Variants in CHST9 observed in about 807,000 individuals in gnomAD.
CHST9 encodes carbohydrate sulfotransferase 9, also known as GalNAc-4-sulfotransferase 2.
In CHST9, 41 loss-of-function variants were observed where a neutral mutation model predicts 44.4. That is an observed-to-expected ratio of 0.92 (90% CI 0.72 to 1.20). CHST9 has a LOEUF of 1.20. Ranked by LOEUF, CHST9 falls within the 50% of genes most tolerant of loss-of-function variation. The probability of loss-of-function intolerance (pLI) is 0.00; values close to 1 mark genes in which losing one functional copy is unlikely to be tolerated. For missense variants in CHST9, 504 were observed against 516.5 expected (o/e 0.98, Z 0.23); for synonymous variants, 171 against 178.4 (o/e 0.96, Z 0.33).
chr18:27,167,607 T>C (rs1489562359), intron 1 of CHST9, among the ~76,000 whole-genome samples: 2 of 152,214 alleles, frequency 1.3e-5, no homozygotes, highest in Non-Finnish European at 2.9e-5. Flanking sequence ...TGTTTAGGTA[T>C]TGGGATACAA....
chr18:27,044,060 T>TCC (rs397739936), intron 3 of CHST9, among the ~76,000 whole-genome samples: 304 of 149,058 alleles, frequency 2.0e-3, no homozygotes, highest in East Asian at 9.6e-3. Flanking sequence ...AGCGAGCCCT[T>TCC]CCCCCCCCTT....
chr18:27,054,111 A>G (rs1246179603), intron 2 of CHST9, among the ~76,000 whole-genome samples: 1 of 152,202 alleles, frequency 6.6e-6, no homozygotes, highest in Non-Finnish European at 1.5e-5. Flanking sequence ...TGCCTTAAAC[A>G]CAAATGCTCC....
At chr18:27,087,015 G>A (rs1263843485) in intron 2 of CHST9, among the ~76,000 whole-genome samples, 1 of 152,122 alleles carries the variant, frequency 6.6e-6, no homozygotes, top group South Asian at 2.1e-4. Context: ...TGGCTTTTAT[G>A]TATAGACATA....
chr18:26,990,364 G>A (rs1387954408), intron 4 of CHST9, among the ~76,000 whole-genome samples: 1 of 152,176 alleles, frequency 6.6e-6, no homozygotes, highest in African/African-American at 2.4e-5. Context: ...GAAGGAGGCT[G>A]GAGGGATTCT....
intron 2 of CHST9, among the ~76,000 whole-genome samples, chr18:27,127,819 G>T (rs2058437926): frequency 1.3e-5 from 2 of 152,060 alleles, no homozygotes; most frequent in Admixed American, 6.6e-5. Context: ...GGAGGAGGAA[G>T]TAGCTGAGAG....
intron 2 of CHST9, among the ~76,000 whole-genome samples, chr18:27,079,609 T>C (rs1023807782): frequency 6.6e-6 from 1 of 152,210 alleles, no homozygotes; most frequent in Non-Finnish European, 1.5e-5. Context: ...CTATAAAACA[T>C]TTATGAATAT....
At chr18:26,927,902 G>A (rs232334) in intron 5 of CHST9, among the ~76,000 whole-genome samples, 65,145 of 151,960 alleles carry the variant, frequency 0.43, 14,427 homozygotes, top group East Asian at 0.71. Context: ...GAGAAACCTC[G>A]GACAATACCT....
chr18:27,152,863 G>A (rs1471137302), intron 1 of CHST9, among the ~76,000 whole-genome samples: 1 of 152,084 alleles, frequency 6.6e-6, no homozygotes, highest in Admixed American at 6.5e-5. Flanking sequence ...TTATCAGTGA[G>A]GGATGTGTCT....
intron 1 of CHST9, among the ~76,000 whole-genome samples, chr18:27,182,138 AT>A (rs33995328): frequency 0.69 from 104,235 of 151,328 alleles, 36,038 homozygotes; most frequent in East Asian, 0.79. Context: ...TCTCATTAAC[AT>A]GAATAATTCA....
intron 1 of CHST9, among the ~76,000 whole-genome samples, chr18:27,169,513 G>A (rs1374755845): frequency 6.8e-6 from 1 of 146,954 alleles, no homozygotes; most frequent in Non-Finnish European, 1.5e-5. Context: ...AAGAAAATAA[G>A]AATATTTGAA....
chr18:27,024,179 A>T, intron 3 of CHST9, 22 bp from the exon 4 acceptor site: 1 of 1,603,576 alleles, frequency 6.2e-7, no homozygotes, highest in Non-Finnish European at 8.5e-7. Context: ...GAGGAAAGAA[A>T]TTCATATATT....
intron 4 of CHST9, among the ~76,000 whole-genome samples, chr18:26,965,244 C>A (rs2056449852): frequency 6.6e-6 from 1 of 152,132 alleles, no homozygotes; most frequent in African/African-American, 2.4e-5. Flanking sequence ...GTGCGGCCTG[C>A]AATGTGTTTC....
chr18:26,946,078 A>G (rs1052163838), intron 4 of CHST9, among the ~76,000 whole-genome samples: 1 of 152,164 alleles, frequency 6.6e-6, no homozygotes, highest in African/African-American at 2.4e-5. Flanking sequence ...CTCGCCAGAT[A>G]ATAAGAATCA....
chr18:27,161,920 A>T (rs1243956615), intron 1 of CHST9, among the ~76,000 whole-genome samples: 1 of 151,804 alleles, frequency 6.6e-6, no homozygotes, highest in East Asian at 1.9e-4. Flanking sequence ...ATCAGAGACT[A>T]GGATTGCAAC....
chr18:27,180,119 A>G (rs2058900363), intron 1 of CHST9, among the ~76,000 whole-genome samples: 1 of 152,136 alleles, frequency 6.6e-6, no homozygotes, highest in South Asian at 2.1e-4. Context: ...TCATCTACAA[A>G]TAAGTCTGGG....
chr18:27,095,558 A>T (rs1568170571), intron 2 of CHST9, among the ~76,000 whole-genome samples: 1 of 152,164 alleles, frequency 6.6e-6, no homozygotes. Context: ...CTCAAACATA[A>T]TGACGCCAAT....
chr18:27,006,848 C>T (rs1229233334), intron 4 of CHST9, among the ~76,000 whole-genome samples: 2 of 152,204 alleles, frequency 1.3e-5, no homozygotes, highest in African/African-American at 4.8e-5. Flanking sequence ...TGCAGGTAAA[C>T]TAGACACTGG....
At chr18:26,943,939 G>T (rs2056123383) in intron 5 of CHST9, among the ~76,000 whole-genome samples, 1 of 152,158 alleles carries the variant, frequency 6.6e-6, no homozygotes, top group African/African-American at 2.4e-5. Context: ...ACTTTTAGCT[G>T]ATTGAACGAA....
At chr18:26,984,357 A>T (rs1031291453) in intron 4 of CHST9, among the ~76,000 whole-genome samples, 1 of 152,198 alleles carries the variant, frequency 6.6e-6, no homozygotes, top group Non-Finnish European at 1.5e-5. Flanking sequence ...TTCACAAACA[A>T]AAACTGATTT....
Sources: allele counts gnomAD v4.1 joint callset (sites outside exome capture counted in the v4.1 genomes callset), GRCh38; gene constraint gnomAD v4.1.1; transcripts MANE v1.5; gene names NCBI Gene and HGNC (gene_info 2026-07-23, HGNC 2026-07-21).